The following GNB1L variants were observed in gnomAD, a reference collection of about 807,000 sequenced individuals.
GNB1L encodes G protein subunit beta 1 like, also known as guanine nucleotide-binding protein subunit beta-like protein 1.
GNB1L carries 20 observed loss-of-function variants against 29.1 expected under a neutral mutation model. The observed-to-expected ratio is 0.69, with a 90% CI of 0.48 to 1.00. The LOEUF is 1.00. Ranked by LOEUF, GNB1L falls within the 50% of genes least tolerant of loss-of-function variation. GNB1L has a pLI of 0.00. For missense variants in GNB1L, 421 were observed against 464.9 expected (o/e 0.91, Z 0.87); for synonymous variants, 193 against 206.5 (o/e 0.93, Z 0.56).
chr22:19,811,818 G>C (rs981415433), intron 5 of GNB1L, among the ~76,000 whole-genome samples: 7 of 152,062 alleles, frequency 4.6e-5, no homozygotes, highest in Non-Finnish European at 7.4e-5. Context: ...GCTGCCCTGG[G>C]TCAGCCCTCC....
At chr22:19,832,408 A>G (rs1937695563) in intron 2 of GNB1L, among the ~76,000 whole-genome samples, 1 of 151,890 alleles carries the variant, frequency 6.6e-6, no homozygotes. Flanking sequence ...TTTGGAGGAA[A>G]GCAAAGCTTA....
intron 2 of GNB1L, among the ~76,000 whole-genome samples, chr22:19,827,097 T>C (rs1340066186): frequency 1.3e-5 from 2 of 152,162 alleles, no homozygotes; most frequent in Admixed American, 6.5e-5. Flanking sequence ...CTGGGGGATC[T>C]TTGTGGGTAA....
chr22:19,813,167 G>A (rs758179615), intron 4 of GNB1L, among the ~76,000 whole-genome samples: 3 of 152,146 alleles, frequency 2.0e-5, no homozygotes, highest in Admixed American at 6.5e-5. Context: ...GAGTACAGAC[G>A]GGTGTGTAAG....
In GNB1L at chr22:19,804,183, C is replaced by T. The variant is rs113758416; in HGVS notation, c.517-1967G>A. 2.8e-3 allele frequency among the ~76,000 whole-genome samples: 421 copies of T among 152,382 alleles called. 4 individuals carry two copies. Among genetic ancestry groups the T allele is most frequent in the African/African-American group, 8.9e-3 (369 of 41,588 alleles). ...CAGTCCTCTTGTGGCTGGAGCACTT[C>T]GGTGCCCACAGCCTTGATGCTGCCT... On this transcript the variant is annotated intron_variant, in intron 6 of 7. Coordinates refer to ENST00000329517, the MANE Select transcript of GNB1L (RefSeq NM_053004.3).
At chr22:19,849,201 ATAGCTTCCCACCTATTTCCAAGGTT>A in intron 2 of GNB1L, 1 of 985,434 alleles carries the variant, frequency 1.0e-6, no homozygotes, top group Non-Finnish European at 1.2e-6. Flanking sequence ...CTTTCTAAAA[ATAGCTTCCCACCTATTTCCAAGGTT>A]TCCAGTTGTT....
chr22:19,820,740 G>A lies in GNB1L; in HGVS notation c.129-17C>T, dbSNP rs1464256032. ...CTCTGAGACCTGTTTCAGACAAGCC[G>A]AGCAGGGTGTCAGGGGGCAGAAGGG... On this transcript the variant is annotated splice_polypyrimidine_tract_variant and intron_variant, in intron 3 of 7. Coordinates refer to ENST00000329517, the MANE Select transcript of GNB1L (RefSeq NM_053004.3). 1.4e-5 allele frequency: 22 copies of A among 1,602,364 alleles called. No homozygotes were observed. The highest frequency in any genetic ancestry group is 4.5e-5 in the East Asian group (2 of 44,602).
intron 6 of GNB1L, among the ~76,000 whole-genome samples, chr22:19,803,868 C>T (rs1316887840): frequency 1.3e-5 from 2 of 152,258 alleles, no homozygotes; most frequent in African/African-American, 4.8e-5. Context: ...TGCCACCCTC[C>T]TCCCCGGCAC....
chr22:19,792,715 A>G, intron 7 of GNB1L: 1 of 1,494,638 alleles, frequency 6.7e-7, no homozygotes, highest in Non-Finnish European at 9.2e-7. Context: ...GCAGGAGTTA[A>G]CATCGTCACC....
At chr22:19,851,463 G>C in intron 2 of GNB1L, 1 of 1,614,108 alleles carries the variant, frequency 6.2e-7, no homozygotes, top group Non-Finnish European at 8.5e-7. Flanking sequence ...GGCTCCTTGG[G>C]CCCAGGGGTG....
rs147875837 is a variant in GNB1L at position 19,785,935 on chromosome 22, A to G, written c.*2774T>C. The G allele has an allele frequency of 6.6e-6, 1 of 152,506 alleles. No individual in the cohort carries two copies. The highest frequency in any genetic ancestry group is 2.4e-5 in the African/African-American group (1 of 41,594). The allele number at this position is 152,506 out of a possible 1,614,324, so 9.4% of individuals were successfully genotyped here. ...CACAAAGGCCGACCTGTCCAGAGCC[A>G]CATGGCTCTGCTGTGGACACCACGG... On this transcript the variant is annotated 3_prime_UTR_variant, in exon 8 of 8. Transcript: ENST00000329517. The surrounding 1 kb of genome is among the most constrained non-coding windows in gnomAD (Gnocchi z 4.1).
At chr22:19,791,136 G>A (rs1038504823) in intron 7 of GNB1L, among the ~76,000 whole-genome samples, 11 of 152,182 alleles carry the variant, frequency 7.2e-5, no homozygotes, top group African/African-American at 2.7e-4. Context: ...GGGAGGCTGA[G>A]GTGGAAGGAT....
intron 2 of GNB1L, among the ~76,000 whole-genome samples, chr22:19,837,584 A>G (rs1937787383): frequency 1.3e-5 from 2 of 152,234 alleles, no homozygotes; most frequent in African/African-American, 4.8e-5. Context: ...AAGACTGACC[A>G]TTCCAGTTGC....
Position 19,806,814 on chromosome 22 carries a change from C to A in GNB1L, c.418-57G>T. ...GTCGCCAAGTCGAGTCTGCGCTATA[C>A]AAACAAGAGACTCTTAAGGCGATTA... On this transcript the variant is annotated intron_variant, in intron 5 of 7. Coordinates refer to ENST00000329517, the MANE Select transcript of GNB1L (RefSeq NM_053004.3). 6 of 1,205,052 alleles carry A rather than the reference C, an allele frequency of 5.0e-6. No individual in the cohort carries two copies. In the East Asian group the frequency reaches 7.2e-5, roughly 14 times the overall value. 74.6% of individuals were successfully genotyped at this position (1,205,052 alleles called of 1,614,324 possible).
At chr22:19,852,603 G>A (rs1459527994) in intron 2 of GNB1L, 3 of 279,026 alleles carry the variant, frequency 1.1e-5, no homozygotes, top group Non-Finnish European at 2.0e-5. Flanking sequence ...GCTTTGAATG[G>A]AAGGAGGGGC....
intron 2 of GNB1L, chr22:19,851,757 C>T (rs747677985): frequency 8.1e-6 from 13 of 1,610,440 alleles, no homozygotes; most frequent in Admixed American, 6.7e-5. Flanking sequence ...CAGAAGAGCT[C>T]GTAATCGTCA....
intron 2 of GNB1L, among the ~76,000 whole-genome samples, chr22:19,839,571 T>G (rs1937822433): frequency 6.6e-6 from 1 of 152,020 alleles, no homozygotes; most frequent in South Asian, 2.1e-4. Context: ...AGGGAGACCC[T>G]GTCTCTACAA....
At chr22:19,792,592 A>G (rs1937263675) in intron 7 of GNB1L, 1 of 1,597,016 alleles carries the variant, frequency 6.3e-7, no homozygotes. Context: ...AAGCTGGCCC[A>G]CAAGTACAGA....
intron 5 of GNB1L, among the ~76,000 whole-genome samples, chr22:19,811,196 C>T (rs1301954990): frequency 6.6e-6 from 1 of 152,218 alleles, no homozygotes; most frequent in Non-Finnish European, 1.5e-5. Context: ...ATGCCTGTTC[C>T]TATCTCATTA....
intron 6 of GNB1L, among the ~76,000 whole-genome samples, chr22:19,805,536 A>C (rs1937423516): frequency 6.6e-6 from 1 of 152,056 alleles, no homozygotes; most frequent in Non-Finnish European, 1.5e-5. Flanking sequence ...TAATCCCAGC[A>C]CTTTGGGAGG....
Sources: allele counts gnomAD v4.1 joint callset (sites outside exome capture counted in the v4.1 genomes callset), GRCh38; gene constraint gnomAD v4.1.1; non-coding constraint Gnocchi (gnomAD v3.1); transcripts MANE v1.5; gene names NCBI Gene and HGNC (gene_info 2026-07-23, HGNC 2026-07-21).